The following PVT1 variants were observed in gnomAD, a reference collection of about 807,000 sequenced individuals.
PVT1 encodes the protein CXCR4/PVT1 fusion.
rs552295942 is a variant in PVT1, at chr8:128,046,941, C to G, written n.913-23219C>G. On this transcript the variant is annotated intron_variant and non_coding_transcript_variant, in intron 4 of 10. Transcript: ENST00000651587. Reference sequence around the variant, plus strand: ...TGGGGCTCTGCCTTTCTCATGTCTGCTCTGCCTTCACGGTCCCCCACAGTG... The same window carrying G: ...TGGGGCTCTGCCTTTCTCATGTCTGGTCTGCCTTCACGGTCCCCCACAGTG... 3.1e-4 allele frequency among the ~76,000 whole-genome samples: 47 copies of G among 152,322 alleles called. 1 individual carries two copies. In the South Asian group the frequency reaches 9.3e-3, roughly 30 times the overall value.
intron 3 of PVT1, among the ~76,000 whole-genome samples, chr8:127,938,310 C>T (rs995334406): frequency 3.3e-5 from 5 of 152,154 alleles, no homozygotes; most frequent in Non-Finnish European, 7.3e-5. Context: ...TTCAGGCCTC[C>T]GAGGAAGCCC....
intron 5 of PVT1, among the ~76,000 whole-genome samples, chr8:128,073,802 C>CTT (rs79686805): frequency 1.4e-5 from 2 of 138,122 alleles, no homozygotes. Context: ...ATTTTTTTTT[C>CTT]TTTTTTTTTT....
chr8:128,070,957 G>T (rs959379958), intron 5 of PVT1, among the ~76,000 whole-genome samples: 1 of 152,194 alleles, frequency 6.6e-6, no homozygotes, highest in African/African-American at 2.4e-5. Flanking sequence ...TCAGAGTTCT[G>T]CATTTGCCAA....
At position 127,991,783 on chromosome 8, in the gene PVT1, G is replaced by C. The variant is rs551800390; in HGVS notation, n.912+2492G>C. On this transcript the variant is annotated intron_variant and non_coding_transcript_variant, in intron 4 of 10. Coordinates refer to ENST00000651587, the Ensembl canonical transcript of PVT1. ...GTTCTATGACAGAACCTGAAGAAAGGCCCAGGCATTTGCATCTATGTGTGC... is the reference window on the plus strand; with the variant it reads ...GTTCTATGACAGAACCTGAAGAAAGCCCCAGGCATTTGCATCTATGTGTGC... 2.6e-5 allele frequency among the ~76,000 whole-genome samples: 4 copies of C among 152,310 alleles called. No homozygotes were observed. The East Asian group carries it at 7.7e-4, about 29-fold the overall frequency.
chr8:128,017,958 G>T (rs943869981), intron 4 of PVT1, among the ~76,000 whole-genome samples: 1 of 152,128 alleles, frequency 6.6e-6, no homozygotes, highest in Non-Finnish European at 1.5e-5. Context: ...TGCGCCCTGG[G>T]AGTTTGTAAT....
intron 3 of PVT1, among the ~76,000 whole-genome samples, chr8:127,912,354 C>T (rs547802314): frequency 6.6e-6 from 1 of 152,324 alleles, no homozygotes; most frequent in African/African-American, 2.4e-5. Context: ...TATGTTTACA[C>T]ACCCACTCTA....
At chr8:128,090,890 C>T (rs1006904199) in intron 5 of PVT1, among the ~76,000 whole-genome samples, 7 of 152,050 alleles carry the variant, frequency 4.6e-5, no homozygotes, top group Non-Finnish European at 1.0e-4. Context: ...GACCTTCCTG[C>T]GGCATGGAGG....
At chr8:127,964,611 G>C (rs1040829968) in intron 3 of PVT1, among the ~76,000 whole-genome samples, 3 of 152,102 alleles carry the variant, frequency 2.0e-5, no homozygotes, top group African/African-American at 7.2e-5. Flanking sequence ...TGTCAGCGAG[G>C]TTGACACCCT....
intron 4 of PVT1, chr8:128,070,148 A>G (rs910426684): frequency 2.0e-5 from 3 of 150,962 alleles, no homozygotes; most frequent in African/African-American, 7.3e-5. Context: ...CTTACTCAAC[A>G]CTCTTTTTCA....
chr8:127,871,322 A>C (rs554893357), intron 2 of PVT1, among the ~76,000 whole-genome samples: 4 of 152,228 alleles, frequency 2.6e-5, no homozygotes, highest in Non-Finnish European at 5.9e-5. Context: ...GGGGATGGCA[A>C]ATCTCAGAAT....
chr8:128,077,669 T>G (rs943066964), intron 5 of PVT1, among the ~76,000 whole-genome samples: 1 of 152,202 alleles, frequency 6.6e-6, no homozygotes, highest in African/African-American at 2.4e-5. Flanking sequence ...GGTGATCGTT[T>G]CCATTTATCA....
chr8:127,826,817 T>C (rs4285450), intron 2 of PVT1, among the ~76,000 whole-genome samples: 102,823 of 151,842 alleles, frequency 0.68, 36,172 homozygotes, highest in African/African-American at 0.87. Context: ...TAATAAGCAA[T>C]GAGTTCTTAA....
At chr8:127,967,334 G>T (rs1051043977) in intron 3 of PVT1, among the ~76,000 whole-genome samples, 3 of 152,128 alleles carry the variant, frequency 2.0e-5, no homozygotes, top group South Asian at 4.2e-4. Context: ...GAAGAGGGGG[G>T]AAGGAGGAGA....
chr8:127,958,383 G>A (rs987302375), intron 3 of PVT1, among the ~76,000 whole-genome samples: 1 of 152,040 alleles, frequency 6.6e-6, no homozygotes, highest in Non-Finnish European at 1.5e-5. Context: ...GAGACTACAG[G>A]TGCACACCGC....
intron 3 of PVT1, among the ~76,000 whole-genome samples, chr8:127,987,137 G>A (rs139522334): frequency 6.6e-6 from 1 of 152,348 alleles, no homozygotes; most frequent in Non-Finnish European, 1.5e-5. Flanking sequence ...GTGCCAGGAG[G>A]ACAGTCCTTA....
intron 3 of PVT1, among the ~76,000 whole-genome samples, chr8:127,910,987 A>G (rs1815891019): frequency 6.6e-6 from 1 of 151,886 alleles, no homozygotes; most frequent in Non-Finnish European, 1.5e-5. Flanking sequence ...TTCCTGTGCT[A>G]CAGTCTTGGT....
intron 3 of PVT1, among the ~76,000 whole-genome samples, chr8:127,896,286 G>C (rs945099297): frequency 2.6e-5 from 4 of 152,038 alleles, no homozygotes; most frequent in African/African-American, 7.2e-5. Context: ...GAGTGGTCTC[G>C]GTGACAGTTT....
At chr8:128,088,309 G>A (rs946166821) in intron 5 of PVT1, among the ~76,000 whole-genome samples, 9 of 152,134 alleles carry the variant, frequency 5.9e-5, no homozygotes, top group Admixed American at 5.9e-4. Flanking sequence ...GTTAATTCAC[G>A]GTCCCAGCTC....
At chr8:127,950,280 G>T (rs1012769583) in intron 3 of PVT1, among the ~76,000 whole-genome samples, 1 of 152,240 alleles carries the variant, frequency 6.6e-6, no homozygotes, top group Non-Finnish European at 1.5e-5. Context: ...TAGCCCCGTG[G>T]CGGCATGCTG....
Sources: allele counts gnomAD v4.1 joint callset (sites outside exome capture counted in the v4.1 genomes callset), GRCh38; gene constraint gnomAD v4.1.1; transcripts MANE v1.5; gene names NCBI Gene and HGNC (gene_info 2026-07-23, HGNC 2026-07-21).